Variants in ROBO2 observed in about 807,000 individuals in gnomAD.
ROBO2 encodes roundabout guidance receptor 2.
A neutral mutation model predicts 160.8 loss-of-function variants in ROBO2; 53 were observed. That is an observed-to-expected ratio of 0.33 (90% CI 0.26 to 0.41). ROBO2 has a LOEUF of 0.41. Ranked by LOEUF, ROBO2 falls within the 10% of genes least tolerant of loss-of-function variation. ROBO2 has a pLI of 1.00. For missense variants in ROBO2, 1,577 were observed against 1,722.4 expected (o/e 0.92, Z 1.49); for synonymous variants, 664 against 611.7 (o/e 1.09, Z -1.26).
intron 2 of ROBO2, among the ~76,000 whole-genome samples, chr3:76,309,502 CTG>C (rs1314007841): frequency 6.6e-6 from 1 of 152,096 alleles, no homozygotes; most frequent in Non-Finnish European, 1.5e-5. Flanking sequence ...ATTGTAATAA[CTG>C]TATTTTCAAA....
intron 2 of ROBO2, among the ~76,000 whole-genome samples, chr3:76,103,616 C>T (rs1381738299): frequency 3.3e-5 from 5 of 152,056 alleles, no homozygotes; most frequent in African/African-American, 4.8e-5. Flanking sequence ...CATACTGGAC[C>T]ACAGACACCT....
At chr3:77,507,460 G>A (rs1474141174) in intron 5 of ROBO2, among the ~76,000 whole-genome samples, 1 of 152,136 alleles carries the variant, frequency 6.6e-6, no homozygotes, top group Admixed American at 6.6e-5. Context: ...TCTTATCACA[G>A]CATTTCTTCT....
At chr3:77,182,389 A>G (rs938853901) in intron 2 of ROBO2, among the ~76,000 whole-genome samples, 2 of 152,100 alleles carry the variant, frequency 1.3e-5, no homozygotes, top group Non-Finnish European at 2.9e-5. Context: ...AGAGAAAGAC[A>G]TGTAAATAAA....
chr3:77,449,154 A>G (rs2080874594), intron 2 of ROBO2, among the ~76,000 whole-genome samples: 1 of 152,058 alleles, frequency 6.6e-6, no homozygotes, highest in South Asian at 2.1e-4. Context: ...TTTAAAATTA[A>G]CATTATTAAA....
intron 2 of ROBO2, among the ~76,000 whole-genome samples, chr3:77,388,141 TACAC>T (rs60937023): frequency 0.045 from 6,561 of 146,866 alleles, 470 homozygotes; most frequent in African/African-American, 0.15. Flanking sequence ...GATTCACACA[TACAC>T]ACACACACAC....
intron 2 of ROBO2, among the ~76,000 whole-genome samples, chr3:77,221,854 CTTTTTT>C (rs5850317): frequency 1.2e-4 from 17 of 140,282 alleles, no homozygotes; most frequent in East Asian, 1.1e-3. Context: ...TTTTCTTTTT[CTTTTTT>C]TTTTTTTTTT....
intron 2 of ROBO2, among the ~76,000 whole-genome samples, chr3:76,939,979 A>ATTTTTTTTTTTTTT (rs71104641): frequency 8.3e-6 from 1 of 120,552 alleles, no homozygotes; most frequent in African/African-American, 3.5e-5. Context: ...AAGCAACAGG[A>ATTTTTTTTTTTTTT]TTTTTTTTTT....
intron 2 of ROBO2, among the ~76,000 whole-genome samples, chr3:75,987,435 G>T (rs188461661): frequency 1.3e-5 from 2 of 151,924 alleles, no homozygotes; most frequent in Non-Finnish European, 2.9e-5. Flanking sequence ...TTTTAACTAT[G>T]TGTGTGTGCG....
rs71322799 is a variant in ROBO2 at position 77,444,941 on chromosome 3, C to T, written c.389-32473C>T. Among the ~76,000 whole-genome samples, 629 of 152,250 alleles carry T rather than the reference C, an allele frequency of 4.1e-3. 2 individuals are homozygous for T. Among genetic ancestry groups the T allele is most frequent in the Middle Eastern group, 0.02 (6 of 294 alleles). ...GCTATGACAAGGTCTGGATGGGATA[C>T]GTGTCTACAATGCATTCCAGTTCCA... On this transcript the variant is annotated intron_variant, in intron 2 of 25. Coordinates refer to ENST00000461745, the Ensembl canonical transcript of ROBO2.
intron 6 of ROBO2, among the ~76,000 whole-genome samples, chr3:77,533,643 C>A (rs767859890): frequency 6.6e-6 from 1 of 152,144 alleles, no homozygotes; most frequent in Non-Finnish European, 1.5e-5. Flanking sequence ...TCATAGCCAG[C>A]GGGGGCACCC....
At chr3:77,127,607 A>G (rs1038723741) in intron 2 of ROBO2, among the ~76,000 whole-genome samples, 2 of 152,192 alleles carry the variant, frequency 1.3e-5, no homozygotes, top group African/African-American at 4.8e-5. Context: ...TCAGTTAAAT[A>G]TCTATTGGGT....
chr3:76,938,971 CAAAAAAA>C (rs71629626), intron 2 of ROBO2, among the ~76,000 whole-genome samples: 3 of 114,584 alleles, frequency 2.6e-5, no homozygotes, highest in Non-Finnish European at 5.5e-5. Context: ...AACTCAGTCT[CAAAAAAA>C]AAAAAAAAAA....
At chr3:76,696,151 G>T (rs2597251) in intron 2 of ROBO2, among the ~76,000 whole-genome samples, 1 of 151,890 alleles carries the variant, frequency 6.6e-6, no homozygotes, top group Non-Finnish European at 1.5e-5. Context: ...GACTTGAGGC[G>T]GGAAAGTCGT....
At chr3:76,050,738 C>CTTTGCCT (rs1428542060) in intron 2 of ROBO2, among the ~76,000 whole-genome samples, 1 of 152,216 alleles carries the variant, frequency 6.6e-6, no homozygotes, top group Non-Finnish European at 1.5e-5. Context: ...TCCAGATCTT[C>CTTTGCCT]TTTGCCTTTA....
chr3:77,150,891 G>T (rs142221606), intron 2 of ROBO2, among the ~76,000 whole-genome samples: 1 of 152,136 alleles, frequency 6.6e-6, no homozygotes, highest in African/African-American at 2.4e-5. Context: ...AACTACAATT[G>T]GCAGGATTTG....
At chr3:76,925,906 C>T (rs1481806708) in intron 2 of ROBO2, among the ~76,000 whole-genome samples, 1 of 152,160 alleles carries the variant, frequency 6.6e-6, no homozygotes, top group Non-Finnish European at 1.5e-5. Context: ...ATCCTCTGGA[C>T]AAAGAAAAGA....
At chr3:77,421,261 T>C (rs958070693) in intron 2 of ROBO2, among the ~76,000 whole-genome samples, 1 of 152,206 alleles carries the variant, frequency 6.6e-6, no homozygotes, top group African/African-American at 2.4e-5. Flanking sequence ...GTTTTTTAAA[T>C]GTTATTTTGA....
At chr3:77,612,163 T>C (rs73845740) in intron 21 of ROBO2, among the ~76,000 whole-genome samples, 10,914 of 152,210 alleles carry the variant, frequency 0.072, 584 homozygotes, top group East Asian at 0.2. Flanking sequence ...CCAGGAAAGG[T>C]TGACCAAAAG....
intron 2 of ROBO2, among the ~76,000 whole-genome samples, chr3:77,025,579 C>G (rs1358233166): frequency 1.3e-5 from 2 of 152,178 alleles, no homozygotes; most frequent in Non-Finnish European, 2.9e-5. Context: ...ACAAAAGATT[C>G]ATGATTTAAG....
Sources: gnomAD v4.1 joint callset for allele counts (sites outside exome capture counted in the v4.1 genomes callset) on GRCh38, gnomAD v4.1.1 for gene constraint, MANE v1.5 for transcripts, NCBI Gene and HGNC (gene_info 2026-07-23, HGNC 2026-07-21) for gene names.